The following NIN variants were observed in gnomAD, a reference collection of about 807,000 sequenced individuals.
NIN encodes ninein.
NIN carries 137 observed loss-of-function variants against 257.6 expected under a neutral mutation model. The ratio of observed to expected loss-of-function variants is 0.53; its 90% confidence interval spans 0.46 to 0.61. The LOEUF (loss-of-function observed/expected upper bound fraction) is 0.61, where lower values mean the gene tolerates loss of function less well. Among genes scored for constraint, NIN ranks in the 20% least tolerant of loss-of-function variants. The pLI is 0.00. For synonymous variants in NIN, 918 were observed against 919.8 expected, an observed-to-expected ratio of 1.00 and a Z score of 0.04; for missense variants, 2,439 against 2,501.2, an observed-to-expected ratio of 0.98 and a Z score of 0.53.
chr14:50,728,439 G>A (rs1285543122), intron 29 of NIN, among the ~76,000 whole-genome samples: 2 of 152,190 alleles, frequency 1.3e-5, no homozygotes, highest in African/African-American at 4.8e-5. Context: ...AAGTTTATTA[G>A]AACTGACAAG....
intron 16 of NIN, among the ~76,000 whole-genome samples, chr14:50,761,295 T>C (rs1318702642): frequency 6.6e-6 from 1 of 152,114 alleles, no homozygotes; most frequent in African/African-American, 2.4e-5. Flanking sequence ...GAAACTAATA[T>C]CAGCATAGTT....
At chr14:50,739,691 TTGGAGAGTCTC>T (rs2041177548) in intron 25 of NIN, among the ~76,000 whole-genome samples, 2 of 152,234 alleles carry the variant, frequency 1.3e-5, no homozygotes, top group Non-Finnish European at 2.9e-5. Flanking sequence ...ACAAAAAGAT[TTGGAGAGTCTC>T]TGTTTAAAAT....
At chr14:50,756,080 A>G (rs1216317783) in intron 18 of NIN, among the ~76,000 whole-genome samples, 2 of 152,130 alleles carry the variant, frequency 1.3e-5, no homozygotes, top group Non-Finnish European at 2.9e-5. Flanking sequence ...TTATCTACTA[A>G]GTTAATAATA....
At chr14:50,729,758 T>A (rs1172956928) in intron 28 of NIN, 35 bp from the exon 29 acceptor site, 1 of 1,495,478 alleles carries the variant, frequency 6.7e-7, no homozygotes, top group South Asian at 1.3e-5. Context: ...TTCAGCTGAG[T>A]CCCTTCAATC....
chr14:50,826,611 T>C (rs985948901), intron 2 of NIN, among the ~76,000 whole-genome samples: 1 of 152,094 alleles, frequency 6.6e-6, no homozygotes, highest in Non-Finnish European at 1.5e-5. Context: ...TTTATGAACT[T>C]TTCAGTGTTC....
At chr14:50,816,089 A>G (rs2044880495) in intron 3 of NIN, among the ~76,000 whole-genome samples, 1 of 152,234 alleles carries the variant, frequency 6.6e-6, no homozygotes, top group African/African-American at 2.4e-5. Flanking sequence ...AGCAAACTAA[A>G]GCAGGAACAG....
At chr14:50,737,504 A>G (rs1298229364) in intron 27 of NIN, among the ~76,000 whole-genome samples, 2 of 146,484 alleles carry the variant, frequency 1.4e-5, no homozygotes, top group Non-Finnish European at 3.0e-5. Context: ...GCAAAAAAAA[A>G]AAAAAAAAAA....
At chr14:50,731,512 CAGTG>C (rs566704367) in intron 28 of NIN, among the ~76,000 whole-genome samples, 87 of 120,410 alleles carry the variant, frequency 7.2e-4, no homozygotes, top group East Asian at 1.9e-3. Flanking sequence ...GCCTGGGTGA[CAGTG>C]AGACTCCATC....
At chr14:50,767,620 A>G (rs556774774) in intron 12 of NIN, among the ~76,000 whole-genome samples, 14 of 152,162 alleles carry the variant, frequency 9.2e-5, no homozygotes, top group Non-Finnish European at 1.3e-4. Context: ...GATCGAGACC[A>G]TCCTGGCGAA....
At chr14:50,730,901 T>C (rs186018996) in intron 28 of NIN, 368 of 1,337,718 alleles carry the variant, frequency 2.8e-4, no homozygotes, top group Non-Finnish European at 3.2e-4. Flanking sequence ...CTATGAAAGT[T>C]CATTGAAAGA....
chr14:50,825,190 G>A (rs1483588271), intron 2 of NIN, among the ~76,000 whole-genome samples: 1 of 152,204 alleles, frequency 6.6e-6, no homozygotes, highest in Non-Finnish European at 1.5e-5. Context: ...CAGCTACAAA[G>A]GAGTGGTAAA....
At position 50,777,016 on chromosome 14, in the gene NIN, C is replaced by T; in HGVS notation, c.599G>A (p.Gly200Asp). The T allele has an allele frequency of 1.2e-6, 2 of 1,614,230 alleles. No individual in the cohort carries two copies. Among genetic ancestry groups the T allele is most frequent in the Non-Finnish European group, 1.7e-6 (2 of 1,180,044 alleles). ...GACCAGCTTCTTCCGGTTCAGGTGACCATCACGGGTGATCCCCAAATCTTC... is the reference window on the plus strand; with the variant it reads ...GACCAGCTTCTTCCGGTTCAGGTGATCATCACGGGTGATCCCCAAATCTTC... ...VCEDLGITRD[G>D]HLNRKKLVSI... Residue 200 changes from glycine (G) to aspartate (D), a missense_variant, in exon 7 of 31, where the codon GGT (glycine) becomes GAT (aspartate). Physicochemically the swap from Gly to Asp is moderately conservative, Grantham distance 94. Around this residue, in one of 3 missense-constraint regions of NIN, gnomAD observed 387 missense variants for 427.3 expected, o/e 0.91. Coordinates refer to ENST00000530997, the MANE Select transcript of NIN (RefSeq NM_020921.4).
chr14:50,752,799 A>C (rs2041848165), intron 20 of NIN, 66 bp from the exon 21 acceptor site: 2 of 832,042 alleles, frequency 2.4e-6, no homozygotes, highest in Non-Finnish European at 3.7e-6. Context: ...AAAAAAAAAC[A>C]GATTTAGAGA....
At chr14:50,806,124 G>A (rs2044316265) in intron 4 of NIN, 1 of 152,154 alleles carries the variant, frequency 6.6e-6, no homozygotes, top group South Asian at 2.1e-4. Context: ...ATAACAATGT[G>A]TCTTACAACC....
intron 5 of NIN, 132 bp from the exon 6 acceptor site, chr14:50,778,936 C>G: frequency 2.2e-6 from 2 of 900,918 alleles, no homozygotes; most frequent in Non-Finnish European, 3.5e-6. Context: ...TCAGGACTCT[C>G]TAGTGTATCC....
chr14:50,729,468 CAAATAAACAGGTA>C, intron 29 of NIN, 42 bp downstream of exon 29: 1 of 1,531,602 alleles, frequency 6.5e-7, no homozygotes, highest in Non-Finnish European at 8.9e-7. Flanking sequence ...GTATAACTTT[CAAATAAACAGGTA>C]AAATTAACAG....
At chr14:50,723,943 T>C in intron 30 of NIN, 3 of 373,688 alleles carry the variant, frequency 8.0e-6, no homozygotes, top group Non-Finnish European at 1.4e-5. Context: ...AAAAGTTTTT[T>C]TTCTACCTAA....
At chr14:50,727,295 T>C in intron 29 of NIN, 1 of 979,498 alleles carries the variant, frequency 1.0e-6, no homozygotes. Flanking sequence ...TTGTACATCT[T>C]ATACAAAACA....
Position 50,757,265 on chromosome 14 carries a change from C to G in NIN, c.3765G>C (p.Val1255=). The stretch of plus-strand genomic sequence containing the variant: ...CCTGAAGGCAGTCATTTTCTCGGCT[C>G]ACATCTTCATACAACAGCTTATATT... ...SPKYKLLYED[V]SRENDCLQEE... Residue 1255 remains valine (V), a synonymous_variant, in exon 18 of 31, where the codon GTG becomes GTC. Transcript: ENST00000530997. The G allele has an allele frequency of 6.2e-7, 1 of 1,614,156 alleles. No homozygotes were observed. Among genetic ancestry groups the G allele is most frequent in the Non-Finnish European group, 8.5e-7 (1 of 1,180,038 alleles).
Sources: allele counts gnomAD v4.1 joint callset (sites outside exome capture counted in the v4.1 genomes callset), GRCh38; gene constraint gnomAD v4.1.1; regional missense constraint gnomAD v4.1.1; transcripts MANE v1.5; gene names NCBI Gene and HGNC (gene_info 2026-07-23, HGNC 2026-07-21).